GALNTL6: variants seen among roughly 807,000 people sequenced by gnomAD.
GALNTL6 encodes polypeptide N-acetylgalactosaminyltransferase like 6.
In GALNTL6, 46 loss-of-function variants were observed where a neutral mutation model predicts 73.7. That is an observed-to-expected ratio of 0.62 (90% CI 0.49 to 0.80). The LOEUF (loss-of-function observed/expected upper bound fraction) is 0.80, where lower values mean the gene tolerates loss of function less well. GALNTL6 is among the 30% of genes least tolerant of loss of function. The pLI is 0.00. For synonymous variants in GALNTL6, 259 were observed against 263.7 expected, an observed-to-expected ratio of 0.98 and a Z score of 0.17; for missense variants, 604 against 755.0, an observed-to-expected ratio of 0.80 and a Z score of 2.34.
chr4:172,126,544 G>A (rs1733299336), intron 2 of GALNTL6, among the ~76,000 whole-genome samples: 1 of 152,170 alleles, frequency 6.6e-6, no homozygotes, highest in South Asian at 2.1e-4. Flanking sequence ...GGATCAGCTG[G>A]CAGCCTGGAG....
chr4:172,024,990 T>G (rs1367328992), intron 2 of GALNTL6, among the ~76,000 whole-genome samples: 1 of 151,926 alleles, frequency 6.6e-6, no homozygotes, highest in Non-Finnish European at 1.5e-5. Flanking sequence ...GATAAATCTT[T>G]CCAATAAATG....
chr4:172,129,579 G>A (rs947598610), intron 2 of GALNTL6, among the ~76,000 whole-genome samples: 1 of 152,238 alleles, frequency 6.6e-6, no homozygotes, highest in South Asian at 2.1e-4. Flanking sequence ...ATCATTTACA[G>A]ATGCACGCAT....
At chr4:172,994,570 C>G (rs1431540730) in intron 10 of GALNTL6, among the ~76,000 whole-genome samples, 1 of 152,122 alleles carries the variant, frequency 6.6e-6, no homozygotes, top group Non-Finnish European at 1.5e-5. Context: ...TGAAATTTGA[C>G]ATTTTCACCT....
chr4:172,518,405 G>C (rs1232135775), intron 5 of GALNTL6, among the ~76,000 whole-genome samples: 3 of 151,908 alleles, frequency 2.0e-5, no homozygotes, highest in African/African-American at 7.2e-5. Flanking sequence ...ACATATTGTA[G>C]ATTGAAGGCT....
At chr4:172,375,164 G>C (rs1321410391) in intron 5 of GALNTL6, among the ~76,000 whole-genome samples, 1 of 152,168 alleles carries the variant, frequency 6.6e-6, no homozygotes, top group Non-Finnish European at 1.5e-5. Context: ...CCTCCTGTGG[G>C]ATGTAAATTG....
intron 5 of GALNTL6, among the ~76,000 whole-genome samples, chr4:172,384,061 A>G (rs142735524): frequency 1.3e-5 from 2 of 152,200 alleles, no homozygotes; most frequent in Admixed American, 6.5e-5. Flanking sequence ...ATGTTAATGT[A>G]TAGTTTTCTT....
At chr4:172,991,209 AT>A (rs1323743594) in intron 10 of GALNTL6, among the ~76,000 whole-genome samples, 1 of 152,156 alleles carries the variant, frequency 6.6e-6, no homozygotes, top group Non-Finnish European at 1.5e-5. Flanking sequence ...AACCAACAAG[AT>A]CCAATAAAGA....
chr4:172,181,185 A>G (rs10025053), intron 2 of GALNTL6, among the ~76,000 whole-genome samples: 53,211 of 152,060 alleles, frequency 0.35, 9,487 homozygotes, highest in Middle Eastern at 0.38. Context: ...TTTCAGGCCA[A>G]TATCCCTGAT....
chr4:172,525,175 C>T (rs547447893), intron 5 of GALNTL6, among the ~76,000 whole-genome samples: 1 of 152,286 alleles, frequency 6.6e-6, no homozygotes, highest in South Asian at 2.1e-4. Context: ...AGAAATATTG[C>T]TGTTGGATAG....
chr4:172,311,034 T>C (rs2111143648), intron 3 of GALNTL6, among the ~76,000 whole-genome samples: 1 of 152,196 alleles, frequency 6.6e-6, no homozygotes, highest in Non-Finnish European at 1.5e-5. Context: ...ATATGAGGAA[T>C]ATATATTTTA....
chr4:172,567,998 T>G (rs1736622002), intron 5 of GALNTL6, among the ~76,000 whole-genome samples: 1 of 152,164 alleles, frequency 6.6e-6, no homozygotes. Flanking sequence ...TATAGATAAC[T>G]AAAAATACGA....
chr4:171,927,235 A>G (rs746616916), intron 2 of GALNTL6, among the ~76,000 whole-genome samples: 3 of 152,110 alleles, frequency 2.0e-5, no homozygotes, highest in Non-Finnish European at 2.9e-5. Flanking sequence ...AACTGATAAG[A>G]TGCCTTCTTC....
chr4:172,059,523 C>T (rs930470180), intron 2 of GALNTL6, among the ~76,000 whole-genome samples: 4 of 151,688 alleles, frequency 2.6e-5, no homozygotes, highest in African/African-American at 9.7e-5. Context: ...TAACTTGAAC[C>T]GTTGTCTAAT....
intron 2 of GALNTL6, among the ~76,000 whole-genome samples, chr4:171,873,062 T>A (rs1384256543): frequency 6.6e-6 from 1 of 152,180 alleles, no homozygotes; most frequent in Non-Finnish European, 1.5e-5. Flanking sequence ...TATGTGCATA[T>A]GTGTGCGCTC....
chr4:172,066,623 G>A (rs1020805414), intron 2 of GALNTL6, among the ~76,000 whole-genome samples: 1 of 150,168 alleles, frequency 6.7e-6, no homozygotes, highest in African/African-American at 2.4e-5. Context: ...GAGTTTTAGT[G>A]ATACATGAAC....
At chr4:173,002,899 T>C (rs543002400) in intron 10 of GALNTL6, among the ~76,000 whole-genome samples, 2 of 152,048 alleles carry the variant, frequency 1.3e-5, no homozygotes, top group East Asian at 3.9e-4. Flanking sequence ...GCAAACACGG[T>C]ATGGTTCCAT....
intron 7 of GALNTL6, 65 bp downstream of exon 7, chr4:172,813,788 TG>T: frequency 7.9e-7 from 1 of 1,269,662 alleles, no homozygotes; most frequent in South Asian, 1.6e-5. Context: ...GTGTTAAACC[TG>T]GGCTCAAGAA....
intron 2 of GALNTL6, among the ~76,000 whole-genome samples, chr4:171,824,077 TTATATATATATATATA>T (rs3080307): frequency 3.9e-5 from 5 of 129,218 alleles, no homozygotes; most frequent in African/African-American, 6.2e-5. Flanking sequence ...CAAATCCATT[TTATATATATATATATA>T]TATATATATA....
chr4:172,162,196 A>G (rs1277987580), intron 2 of GALNTL6, among the ~76,000 whole-genome samples: 3 of 151,920 alleles, frequency 2.0e-5, no homozygotes, highest in Non-Finnish European at 4.4e-5. Context: ...TTCCATGGAG[A>G]CAATATCTAG....
Sources: gnomAD v4.1 joint callset for allele counts (sites outside exome capture counted in the v4.1 genomes callset) on GRCh38, gnomAD v4.1.1 for gene constraint, MANE v1.5 for transcripts, NCBI Gene and HGNC (gene_info 2026-07-23, HGNC 2026-07-21) for gene names.